ZBTB40: variants seen among roughly 807,000 people sequenced by gnomAD.
ZBTB40 encodes the protein zinc finger and BTB domain-containing protein 40.
ZBTB40 carries 60 observed loss-of-function variants against 117.5 expected under a neutral mutation model. That is an observed-to-expected ratio of 0.51 (90% CI 0.41 to 0.63). ZBTB40 has a LOEUF of 0.63. Among genes scored for constraint, ZBTB40 ranks in the 30% least tolerant of loss-of-function variants. ZBTB40 has a pLI of 0.00. For synonymous variants in ZBTB40, 525 were observed against 577.1 expected, an observed-to-expected ratio of 0.91 and a Z score of 1.29; for missense variants, 1,287 against 1,498.5, an observed-to-expected ratio of 0.86 and a Z score of 2.33.
intron 1 of ZBTB40, among the ~76,000 whole-genome samples, chr1:22,477,532 C>T (rs548120606): frequency 1.3e-5 from 2 of 151,912 alleles, no homozygotes; most frequent in Admixed American, 6.5e-5. Flanking sequence ...GCCTGTAGTC[C>T]CAGCTACTCA....
chr1:22,439,028 C>T (rs1428204362), intron 1 of ZBTB40, among the ~76,000 whole-genome samples: 1 of 152,070 alleles, frequency 6.6e-6, no homozygotes, highest in Non-Finnish European at 1.5e-5. Flanking sequence ...CCACCACGTC[C>T]AGCTAATTTT....
intron 5 of ZBTB40, among the ~76,000 whole-genome samples, chr1:22,503,066 A>T (rs141960188): frequency 6.6e-6 from 1 of 151,262 alleles, no homozygotes; most frequent in East Asian, 1.9e-4. Flanking sequence ...ATACATGTCT[A>T]TACCTATAAT....
intron 11 of ZBTB40, 21 bp downstream of exon 11, chr1:22,512,155 G>T (rs1361061555): frequency 1.2e-6 from 2 of 1,611,806 alleles, no homozygotes; most frequent in African/African-American, 2.7e-5. Flanking sequence ...GAAGGCAAAG[G>T]AACAGAGGAT....
In ZBTB40 at chr1:22,433,440, A is replaced by C. The variant is rs1490349627; in HGVS notation, c.-70+4426A>C. Among the ~76,000 whole-genome samples the C allele has an allele frequency of 9.3e-4, 130 of 139,822 alleles. 5 individuals are homozygous for C. Among genetic ancestry groups the C allele is most frequent in the African/African-American group, 3.2e-3 (126 of 39,630 alleles). 91.7% of individuals were successfully genotyped at this position (139,822 alleles called of 152,430 possible). ...AGAGCAAGACGCCCTCTCAAAAAAA[A>C]AAAAAAAAAAAAAAAAAGACAGCTA... is the stretch of plus-strand genomic sequence containing the variant. On this transcript the variant is annotated intron_variant, in intron 1 of 8. Transcript: ENST00000650433.
At chr1:22,454,007 T>C (rs1042017749) in intron 1 of ZBTB40, among the ~76,000 whole-genome samples, 7 of 152,214 alleles carry the variant, frequency 4.6e-5, no homozygotes, top group Admixed American at 4.6e-4. Context: ...TGGAGTGCAG[T>C]GGCACAATCT....
intron 1 of ZBTB40, among the ~76,000 whole-genome samples, chr1:22,469,503 A>G (rs549876015): frequency 2.2e-4 from 33 of 152,000 alleles, no homozygotes; most frequent in African/African-American, 7.5e-4. Flanking sequence ...AGTCACCTAA[A>G]TGTTTTTGAG....
At chr1:22,472,655 A>T (rs1290725178) in intron 1 of ZBTB40, among the ~76,000 whole-genome samples, 1 of 152,186 alleles carries the variant, frequency 6.6e-6, no homozygotes, top group Non-Finnish European at 1.5e-5. Context: ...AGGAAATGTC[A>T]CAGTAGGTCA....
At chr1:22,504,385 G>C (rs1287267826) in intron 5 of ZBTB40, among the ~76,000 whole-genome samples, 1 of 152,162 alleles carries the variant, frequency 6.6e-6, no homozygotes, top group African/African-American at 2.4e-5. Context: ...CTTACTGTGT[G>C]CCAGGCAGTG....
intron 1 of ZBTB40, among the ~76,000 whole-genome samples, chr1:22,444,557 G>A (rs1640768070): frequency 6.6e-6 from 1 of 152,190 alleles, no homozygotes; most frequent in African/African-American, 2.4e-5. Flanking sequence ...TGTGCACTAA[G>A]AGGCAAAATG....
intron 5 of ZBTB40, among the ~76,000 whole-genome samples, chr1:22,503,873 T>C (rs1569857584): frequency 6.6e-6 from 1 of 152,344 alleles, no homozygotes; most frequent in East Asian, 1.9e-4. Flanking sequence ...ACCTTTTTCT[T>C]TTTAGCTAGA....
At chr1:22,448,623 C>T (rs1042176308), upstream of ZBTB40, among the ~76,000 whole-genome samples, 1 of 152,060 alleles carries the variant, frequency 6.6e-6, no homozygotes, top group African/African-American at 2.4e-5. Context: ...AAATTATTTA[C>T]GCCCTCTAAG....
At chr1:22,502,254 A>G (rs1638954839) in intron 4 of ZBTB40, 45 bp from the exon 5 acceptor site, 3 of 1,594,324 alleles carry the variant, frequency 1.9e-6, no homozygotes, top group Non-Finnish European at 2.6e-6. Context: ...ATTTTCTTCA[A>G]ATTGACTAGC....
Position 22,502,283 on chromosome 1 carries a change from A to G in ZBTB40, c.1025-16A>G, listed in dbSNP as rs1413069595. The G allele has an allele frequency of 4.3e-6, 7 of 1,611,770 alleles. No homozygotes were observed. The highest frequency in any genetic ancestry group is 5.9e-6 in the Non-Finnish European group (7 of 1,178,914). ...GACTAGCTTCTCTTGTGTGTCTCTA[A>G]CTCTTTCTCCCCCAGGGAGCACAGA... On this transcript the variant is annotated splice_polypyrimidine_tract_variant and intron_variant, in intron 4 of 17. Transcript: ENST00000375647.
chr1:22,516,140 G>T (rs1639367557), intron 12 of ZBTB40, among the ~76,000 whole-genome samples: 1 of 152,186 alleles, frequency 6.6e-6, no homozygotes, highest in Non-Finnish European at 1.5e-5. Flanking sequence ...CTGAGTGAAT[G>T]ATGCTGCCAT....
At chr1:22,517,965 C>T (rs1479998195) in intron 13 of ZBTB40, among the ~76,000 whole-genome samples, 1 of 152,252 alleles carries the variant, frequency 6.6e-6, no homozygotes, top group Non-Finnish European at 1.5e-5. Context: ...CTGCCCCTGT[C>T]TTTCTCCCCT....
intron 1 of ZBTB40, among the ~76,000 whole-genome samples, chr1:22,437,721 A>G (rs1427007962): frequency 2.0e-5 from 3 of 151,854 alleles, no homozygotes; most frequent in African/African-American, 7.3e-5. Context: ...TTCCTGGCCA[A>G]AATTTACCAT....
At chr1:22,509,420 C>G (rs560819797) in intron 9 of ZBTB40, among the ~76,000 whole-genome samples, 187 bp downstream of exon 9, 1 of 152,324 alleles carries the variant, frequency 6.6e-6, no homozygotes, top group East Asian at 1.9e-4. Flanking sequence ...GATCTTGGCT[C>G]ATGGCAACCT....
intron 1 of ZBTB40, among the ~76,000 whole-genome samples, chr1:22,477,363 C>T (rs1462086627): frequency 6.6e-6 from 1 of 152,116 alleles, no homozygotes; most frequent in Non-Finnish European, 1.5e-5. Context: ...AATACACCCA[C>T]ACACTAATAA....
chr1:22,519,931 C>T (rs1471085512), intron 13 of ZBTB40, 130 bp from the exon 14 acceptor site: 1 of 860,130 alleles, frequency 1.2e-6, no homozygotes, highest in East Asian at 2.4e-5. Flanking sequence ...GTCTATGACC[C>T]TGCCTGTTAC....
Sources: gnomAD v4.1 joint callset for allele counts (sites outside exome capture counted in the v4.1 genomes callset) on GRCh38, gnomAD v4.1.1 for gene constraint, MANE v1.5 for transcripts, NCBI Gene and HGNC (gene_info 2026-07-23, HGNC 2026-07-21) for gene names.